The following VPS13B variants were observed in gnomAD, a reference collection of about 807,000 sequenced individuals.
The protein encoded by VPS13B is vacuolar protein sorting 13 homolog B.
VPS13B carries 285 observed loss-of-function variants against 426.4 expected under a neutral mutation model. The observed-to-expected ratio is 0.67, with a 90% CI of 0.61 to 0.74. The LOEUF (loss-of-function observed/expected upper bound fraction) is 0.74, where lower values mean the gene tolerates loss of function less well. VPS13B is among the 30% of genes least tolerant of loss of function. The probability of loss-of-function intolerance (pLI) is 0.00; values close to 1 mark genes in which losing one functional copy is unlikely to be tolerated. For missense variants in VPS13B, 4,537 were observed against 4,782.6 expected (o/e 0.95, Z 1.51); for synonymous variants, 1,676 against 1,676.4 (o/e 1.00, Z 0.01).
At chr8:99,576,634 G>C (rs1175606460) in intron 32 of VPS13B, among the ~76,000 whole-genome samples, 1 of 152,172 alleles carries the variant, frequency 6.6e-6, no homozygotes, top group Non-Finnish European at 1.5e-5. Flanking sequence ...ACTATAAGGG[G>C]AAGATCTGTT....
At chr8:99,295,952 G>C (rs1396125428) in intron 19 of VPS13B, among the ~76,000 whole-genome samples, 2 of 152,130 alleles carry the variant, frequency 1.3e-5, no homozygotes, top group African/African-American at 4.8e-5. Flanking sequence ...AGGAGCACTT[G>C]AACTCAGGAG....
At chr8:99,111,046 CT>C in intron 5 of VPS13B, 51 bp from the exon 6 acceptor site, 1 of 1,458,756 alleles carries the variant, frequency 6.9e-7, no homozygotes, top group South Asian at 1.3e-5. Context: ...TAATAGTTGC[CT>C]TTCCCCTGCT....
At position 99,564,448 on chromosome 8, in the gene VPS13B, G is replaced by C. The variant is rs7832124; in HGVS notation, c.4949+7795G>C. On this transcript the variant is annotated intron_variant, in intron 31 of 61. Transcript: ENST00000357162. Reference sequence around the variant, plus strand: ...CAACTGGTGGACTGAAACCACCAGAGAGCTGATAGACATTAATGGGAGGCT... The same window carrying C: ...CAACTGGTGGACTGAAACCACCAGACAGCTGATAGACATTAATGGGAGGCT... Among the ~76,000 whole-genome samples the C allele has an allele frequency of 6.4e-3, 981 of 152,302 alleles. 10 individuals carry two copies. Among genetic ancestry groups the C allele is most frequent in the African/African-American group, 0.023 (948 of 41,570 alleles).
intron 19 of VPS13B, among the ~76,000 whole-genome samples, chr8:99,303,730 C>CACAAAAAAAA (rs376472759): frequency 1.6e-5 from 1 of 63,714 alleles, no homozygotes; most frequent in African/African-American, 7.1e-5. Flanking sequence ...GACTCCGTCT[C>CACAAAAAAAA]AAAAAAAAAA....
intron 16 of VPS13B, among the ~76,000 whole-genome samples, chr8:99,185,580 A>C (rs1162372063): frequency 1.3e-5 from 2 of 152,212 alleles, no homozygotes; most frequent in Admixed American, 1.3e-4. Context: ...TTGTAGGTTC[A>C]AACTTTGCAT....
intron 19 of VPS13B, among the ~76,000 whole-genome samples, chr8:99,289,617 G>A (rs1212674706): frequency 6.6e-6 from 1 of 152,088 alleles, no homozygotes; most frequent in Non-Finnish European, 1.5e-5. Context: ...ATAATGAGCT[G>A]TAGTTGACGA....
chr8:99,443,565 G>A (rs977528070), intron 23 of VPS13B, among the ~76,000 whole-genome samples: 1 of 152,132 alleles, frequency 6.6e-6, no homozygotes, highest in African/African-American at 2.4e-5. Flanking sequence ...TAAGGTTAAA[G>A]GGAATGTTTT....
chr8:99,698,756 A>G (rs1832140341), intron 35 of VPS13B, among the ~76,000 whole-genome samples: 1 of 152,206 alleles, frequency 6.6e-6, no homozygotes, highest in Admixed American at 6.5e-5. Context: ...TGATGCTTAT[A>G]GTCTTATGTC....
At chr8:99,076,912 T>G (rs967722480) in intron 3 of VPS13B, among the ~76,000 whole-genome samples, 8 of 152,154 alleles carry the variant, frequency 5.3e-5, no homozygotes, top group African/African-American at 1.4e-4. Flanking sequence ...TGTTTTCTGG[T>G]TGTTTTATAT....
intron 30 of VPS13B, among the ~76,000 whole-genome samples, chr8:99,545,550 T>C (rs1823924299): frequency 6.6e-6 from 1 of 152,150 alleles, no homozygotes; most frequent in Non-Finnish European, 1.5e-5. Context: ...AGCATAACTC[T>C]GGGTTATGTA....
At chr8:99,785,723 G>C (rs1812224430) in intron 43 of VPS13B, among the ~76,000 whole-genome samples, 1 of 152,116 alleles carries the variant, frequency 6.6e-6, no homozygotes, top group African/African-American at 2.4e-5. Flanking sequence ...GACTACAAAA[G>C]TGAGAGCATA....
intron 3 of VPS13B, among the ~76,000 whole-genome samples, chr8:99,064,222 G>A (rs184840238): frequency 9.9e-5 from 15 of 152,210 alleles, no homozygotes; most frequent in Admixed American, 2.0e-4. Flanking sequence ...GTAGCTCCTC[G>A]CCAGCAACAG....
chr8:99,520,554 A>G (rs1195253676), intron 29 of VPS13B, among the ~76,000 whole-genome samples: 1 of 152,082 alleles, frequency 6.6e-6, no homozygotes, highest in Admixed American at 6.6e-5. Flanking sequence ...GCTGAAAAGC[A>G]TTTAGGAGAA....
chr8:99,454,177 C>T (rs1231084932), intron 23 of VPS13B, among the ~76,000 whole-genome samples: 1 of 152,074 alleles, frequency 6.6e-6, no homozygotes, highest in Non-Finnish European at 1.5e-5. Flanking sequence ...CATGTCTTTC[C>T]ATGGCTTGAT....
At chr8:99,742,195 A>C (rs1451593287) in intron 39 of VPS13B, among the ~76,000 whole-genome samples, 3 of 152,190 alleles carry the variant, frequency 2.0e-5, no homozygotes, top group Admixed American at 1.3e-4. Context: ...TACTATAAAC[A>C]CCTCTACGCA....
intron 3 of VPS13B, among the ~76,000 whole-genome samples, chr8:99,060,706 A>G (rs1844137948): frequency 1.3e-5 from 2 of 152,182 alleles, no homozygotes. Context: ...CTTGGCATAA[A>G]GTGGATTTTT....
At chr8:99,657,681 T>C (rs529943867) in intron 34 of VPS13B, among the ~76,000 whole-genome samples, 141 of 152,316 alleles carry the variant, frequency 9.3e-4, no homozygotes, top group African/African-American at 3.2e-3. Flanking sequence ...TATATTTATC[T>C]ATAGATAGAT....
chr8:99,681,283 T>C (rs148251911), intron 35 of VPS13B, among the ~76,000 whole-genome samples: 45 of 152,334 alleles, frequency 3.0e-4, no homozygotes, highest in Middle Eastern at 3.4e-3. Flanking sequence ...TATAGCCTAA[T>C]TTCAACTGCT....
At chr8:99,191,376 CT>C (rs35215814) in intron 16 of VPS13B, among the ~76,000 whole-genome samples, 3,373 of 70,752 alleles carry the variant, frequency 0.048, 10 homozygotes, top group African/African-American at 0.087. Context: ...CTCTCTCTCT[CT>C]TTTTTTTTTT....
Sources: allele counts gnomAD v4.1 joint callset (sites outside exome capture counted in the v4.1 genomes callset), GRCh38; gene constraint gnomAD v4.1.1; transcripts MANE v1.5; gene names NCBI Gene and HGNC (gene_info 2026-07-23, HGNC 2026-07-21).